Variants in BMS1 observed in about 807,000 individuals in gnomAD.
The protein encoded by BMS1 is ribosome biogenesis protein BMS1 homolog.
A neutral mutation model predicts 138.7 loss-of-function variants in BMS1; 53 were observed. The ratio of observed to expected loss-of-function variants is 0.38; its 90% CI spans 0.31 to 0.48. BMS1 has a LOEUF of 0.48. Among genes scored for constraint, BMS1 ranks in the 20% least tolerant of loss-of-function variants. The pLI is 0.97. For missense variants in BMS1, 1,360 were observed against 1,565.5 expected (o/e 0.87, Z 2.22); for synonymous variants, 504 against 539.9 (o/e 0.93, Z 0.92).
At chr10:42,795,451 C>T (rs571381661) in intron 9 of BMS1, among the ~76,000 whole-genome samples, 1 of 151,716 alleles carries the variant, frequency 6.6e-6, no homozygotes, top group East Asian at 1.9e-4. Context: ...CCCCAAGTAG[C>T]TGGGACTACA....
In BMS1 at chr10:42,790,463, G is replaced by A. The variant is rs780800567; in HGVS notation, c.588G>A (p.Lys196=). 1.2e-6 allele frequency: 2 copies of A among 1,613,964 alleles called. No individual in the cohort carries two copies. Among genetic ancestry groups the A allele is most frequent in the Non-Finnish European group, 1.7e-6 (2 of 1,179,864 alleles). Residue 196 remains lysine (K), a synonymous_variant, in exon 5 of 23, where the codon AAG becomes AAA. Transcript: ENST00000374518. ...CCTTCAAGCATAATAAGCAACTGAAGAAGACAAAGAAGCGATTAAAACACA... is the reference window on the plus strand; with the variant it reads ...CCTTCAAGCATAATAAGCAACTGAAAAAGACAAAGAAGCGATTAAAACACA... ...LDSFKHNKQL[K]KTKKRLKHRF...
At chr10:42,824,888 T>C (rs1038437273) in intron 21 of BMS1, among the ~76,000 whole-genome samples, 1 of 152,248 alleles carries the variant, frequency 6.6e-6, no homozygotes, top group African/African-American at 2.4e-5. Context: ...TTGATTACTA[T>C]AGCTTTGTAA....
chr10:42,830,449 G>A (rs372101358), intron 22 of BMS1, 27 bp downstream of exon 22: 23 of 1,576,400 alleles, frequency 1.5e-5, no homozygotes, highest in Admixed American at 2.1e-5. Flanking sequence ...TGTACTGCAC[G>A]CTGCGTTTAG....
At chr10:42,798,259 C>T (rs1564415620) in intron 11 of BMS1, among the ~76,000 whole-genome samples, 3 of 152,230 alleles carry the variant, frequency 2.0e-5, no homozygotes, top group African/African-American at 7.2e-5. Flanking sequence ...GAGCCCCACA[C>T]ATGTAGAGCA....
intron 21 of BMS1, among the ~76,000 whole-genome samples, chr10:42,826,489 A>G (rs1842650098): frequency 6.6e-6 from 1 of 152,192 alleles, no homozygotes; most frequent in Non-Finnish European, 1.5e-5. Context: ...CAGGCGCAGC[A>G]TCAGCAAGGA....
In BMS1 at chr10:42,794,276, A is replaced by C. The variant is rs1589135566; in HGVS notation, c.1229+285A>C. Among the ~76,000 whole-genome samples the C allele has an allele frequency of 2.0e-5, 3 of 152,210 alleles. No homozygotes were observed. In the Middle Eastern group the frequency reaches 0.01, roughly 518 times the overall value. ...TTTGTTTTTTAAGAGACCTGAAGCC[A>C]CTTGGCTTTCTTTTGGTGGCCAAAA... On this transcript the variant is annotated intron_variant, in intron 9 of 22. Coordinates refer to ENST00000374518, the MANE Select transcript of BMS1 (RefSeq NM_014753.4).
Position 42,793,312 on chromosome 10 carries a change from C to CT in BMS1, c.1089+177dup, listed in dbSNP as rs567639811. 6.3e-4 allele frequency among the ~76,000 whole-genome samples: 96 copies of CT among 151,198 alleles called. 1 individual carries two copies. Among genetic ancestry groups the CT allele is most frequent in the South Asian group, 2.5e-3 (12 of 4,774 alleles). On this transcript the variant is annotated intron_variant, in intron 8 of 22. Transcript: ENST00000374518. ...GTAAATATATAGGATAAAAATAATACTTTTTTTTTCATTGTACCAAGCAGA... is the reference window on the plus strand; with the variant it reads ...GTAAATATATAGGATAAAAATAATACTTTTTTTTTTCATTGTACCAAGCAGA...
intron 15 of BMS1, among the ~76,000 whole-genome samples, chr10:42,818,093 G>A (rs1241008952): frequency 6.6e-6 from 1 of 152,234 alleles, no homozygotes; most frequent in Non-Finnish European, 1.5e-5. Flanking sequence ...ACAGTTGATG[G>A]TGAGCATCTG....
chr10:42,821,430 T>C (rs1842500433), intron 18 of BMS1, among the ~76,000 whole-genome samples: 1 of 152,180 alleles, frequency 6.6e-6, no homozygotes, highest in African/African-American at 2.4e-5. Flanking sequence ...GTTCCAAATT[T>C]TAATTTCCTA....
Position 42,831,234 on chromosome 10 carries a change from A to G in BMS1, c.*138A>G, listed in dbSNP as rs564752455. 2.6e-5 allele frequency: 24 copies of G among 930,626 alleles called. No homozygotes were observed. In the East Asian group the frequency reaches 6.4e-4, roughly 25 times the overall value. 57.6% of individuals were successfully genotyped at this position (930,626 alleles called of 1,614,324 possible). ...CTACTCAAACTGTGCCTGCAGGAGG[A>G]GGAACAGAGAAGCCTGGGCTGCTGG... On this transcript the variant is annotated 3_prime_UTR_variant, in exon 23 of 23. Transcript: ENST00000374518.
At chr10:42,827,626 TC>T (rs2132394754) in intron 21 of BMS1, among the ~76,000 whole-genome samples, 1 of 152,198 alleles carries the variant, frequency 6.6e-6, no homozygotes, top group South Asian at 2.1e-4. Flanking sequence ...CAGGGAGACA[TC>T]CCCTCTGCTT....
At chr10:42,807,131 C>T (rs942414779) in intron 13 of BMS1, among the ~76,000 whole-genome samples, 10 of 152,198 alleles carry the variant, frequency 6.6e-5, no homozygotes, top group African/African-American at 2.4e-4. Flanking sequence ...AGTTAAGATA[C>T]GGAGCAGTTC....
At chr10:42,796,394 T>C in intron 9 of BMS1, 80 bp from the exon 10 acceptor site, 1 of 1,388,744 alleles carries the variant, frequency 7.2e-7, no homozygotes. Context: ...TTCTTTGTAT[T>C]TTCATTGACT....
chr10:42,824,249 A>C (rs1363201245), intron 21 of BMS1, among the ~76,000 whole-genome samples: 1 of 152,104 alleles, frequency 6.6e-6, no homozygotes, highest in Non-Finnish European at 1.5e-5. Flanking sequence ...TTCATCCTAC[A>C]TGTCTGCTAC....
intron 21 of BMS1, among the ~76,000 whole-genome samples, chr10:42,829,414 T>A (rs1438041169): frequency 6.6e-6 from 1 of 152,204 alleles, no homozygotes; most frequent in Non-Finnish European, 1.5e-5. Context: ...TGAGTCTCCC[T>A]TCTTTTAGCC....
At position 42,808,564 on chromosome 10, in the gene BMS1, G is replaced by T. The variant is rs554853349; in HGVS notation, c.2329+6346G>T. On this transcript the variant is annotated intron_variant, in intron 13 of 22. Coordinates refer to ENST00000374518, the MANE Select transcript of BMS1 (RefSeq NM_014753.4). ...TCCGCCTTACTTGGCCTCCCAAAGT[G>T]CTGGGATTACAGGCGTGAGCCACCG... Among the ~76,000 whole-genome samples the T allele has an allele frequency of 1.9e-4, 29 of 152,180 alleles. 1 individual carries two copies. The South Asian group carries it at 3.5e-3, about 18-fold the overall frequency.
rs1841700177 is a variant in BMS1, at chr10:42,796,814, A to G, written c.1570A>G (p.Ser524Gly). ...AGGGGAAGCGGAGGAAGCTGATGAA[A>G]GCAGTGAAGAAGAGGACTGCACTGC... ...EEGEAEEADE[S>G]SEEEDCTAGE... Residue 524 changes from serine to glycine, a missense_variant, in exon 10 of 23, where the codon AGC becomes GGC. Ser to Gly is a moderately conservative substitution (Grantham distance 56). Around this residue, in one of 3 missense-constraint regions of BMS1, gnomAD observed 697 missense variants for 686.2 expected, o/e 1.02. Coordinates refer to ENST00000374518, the MANE Select transcript of BMS1 (RefSeq NM_014753.4). 6.2e-7 allele frequency: 1 copy of G among 1,614,236 alleles called. No individual in the cohort carries two copies. Among genetic ancestry groups the G allele is most frequent in the African/African-American group, 1.3e-5 (1 of 75,066 alleles).
intron 12 of BMS1, among the ~76,000 whole-genome samples, chr10:42,800,171 C>G (rs1379113133): frequency 6.6e-6 from 1 of 152,144 alleles, no homozygotes; most frequent in Non-Finnish European, 1.5e-5. Context: ...GTTATTTAAT[C>G]TTAATTAAGA....
intron 5 of BMS1, 144 bp downstream of exon 5, chr10:42,790,655 C>G (rs1451442792): frequency 1.1e-6 from 1 of 927,436 alleles, no homozygotes; most frequent in South Asian, 1.7e-5. Context: ...GAGTTTTGAG[C>G]TCAGGGCAAC....
Sources: gnomAD v4.1 joint callset for allele counts (sites outside exome capture counted in the v4.1 genomes callset) on GRCh38, gnomAD v4.1.1 for gene constraint, gnomAD v4.1.1 regional missense constraint, MANE v1.5 for transcripts, NCBI Gene and HGNC (gene_info 2026-07-23, HGNC 2026-07-21) for gene names.